The following CNTNAP2 variants were observed in gnomAD, a reference collection of about 807,000 sequenced individuals.
CNTNAP2 encodes the protein contactin-associated protein-like 2.
CNTNAP2 carries 98 observed loss-of-function variants against 155.2 expected under a neutral mutation model. The observed-to-expected ratio is 0.63, with a 90% CI of 0.54 to 0.75. The LOEUF is 0.75. CNTNAP2 is among the 30% of genes least tolerant of loss of function. CNTNAP2 has a pLI of 0.00. For missense variants in CNTNAP2, 1,727 were observed against 1,688.1 expected, an observed-to-expected ratio of 1.02 and a Z score of -0.40; for synonymous variants, 651 against 631.2, an observed-to-expected ratio of 1.03 and a Z score of -0.47.
chr7:146,878,550 C>G (rs532610944), intron 3 of CNTNAP2, among the ~76,000 whole-genome samples: 1 of 151,952 alleles, frequency 6.6e-6, no homozygotes, highest in African/African-American at 2.4e-5. Flanking sequence ...ATAAAGCAGA[C>G]GCTGTCATTC....
intron 3 of CNTNAP2, among the ~76,000 whole-genome samples, chr7:147,006,254 G>C (rs1373870641): frequency 1.3e-5 from 2 of 151,992 alleles, no homozygotes; most frequent in African/African-American, 4.8e-5. Flanking sequence ...GCTAGGAGAA[G>C]TATACTAAAC....
intron 13 of CNTNAP2, among the ~76,000 whole-genome samples, chr7:147,826,189 A>G (rs1798447439): frequency 6.6e-6 from 1 of 152,186 alleles, no homozygotes; most frequent in South Asian, 2.1e-4. Flanking sequence ...AGCTGAGAAC[A>G]CTAAGAAAAT....
chr7:146,802,224 G>A (rs1052991651), intron 2 of CNTNAP2, among the ~76,000 whole-genome samples: 1 of 152,130 alleles, frequency 6.6e-6, no homozygotes, highest in Admixed American at 6.5e-5. Context: ...GTACTTGGAA[G>A]CTCTGGAAAC....
At chr7:146,447,175 A>G (rs1796414144) in intron 1 of CNTNAP2, among the ~76,000 whole-genome samples, 1 of 152,058 alleles carries the variant, frequency 6.6e-6, no homozygotes, top group Non-Finnish European at 1.5e-5. Context: ...TGGGGGAACA[A>G]ATGGATGTAT....
chr7:146,556,960 G>A (rs1024623815), intron 1 of CNTNAP2, among the ~76,000 whole-genome samples: 1 of 152,024 alleles, frequency 6.6e-6, no homozygotes, highest in Non-Finnish European at 1.5e-5. Flanking sequence ...TATTCTGGTT[G>A]ATTAAACACA....
chr7:146,449,121 C>A (rs1796442848), intron 1 of CNTNAP2, among the ~76,000 whole-genome samples: 1 of 152,004 alleles, frequency 6.6e-6, no homozygotes, highest in Admixed American at 6.6e-5. Flanking sequence ...TGAGTAGATC[C>A]TATTGAGTTT....
intron 15 of CNTNAP2, among the ~76,000 whole-genome samples, chr7:148,106,712 C>A (rs554128847): frequency 4.8e-4 from 73 of 151,836 alleles, no homozygotes; most frequent in Middle Eastern, 3.4e-3. Context: ...TGTTTTACAA[C>A]CTCTACATGC....
At chr7:148,092,916 G>C (rs1006291885) in intron 15 of CNTNAP2, among the ~76,000 whole-genome samples, 6 of 149,418 alleles carry the variant, frequency 4.0e-5, no homozygotes, top group Non-Finnish European at 7.4e-5. Context: ...CAAAGCTTTG[G>C]TCCAGGTGCC....
intron 3 of CNTNAP2, among the ~76,000 whole-genome samples, chr7:146,980,871 CCTCA>C (rs146951289): frequency 0.012 from 1,809 of 152,252 alleles, 33 homozygotes; most frequent in African/African-American, 0.042. Flanking sequence ...CTTCTTTTGG[CCTCA>C]CTCTATTTTA....
chr7:146,461,322 G>T (rs1036567381), intron 1 of CNTNAP2, among the ~76,000 whole-genome samples: 7 of 151,470 alleles, frequency 4.6e-5, no homozygotes, highest in African/African-American at 9.7e-5. Flanking sequence ...GGACAATGGC[G>T]TGAACCCGGG....
chr7:147,487,462 A>G (rs1798529925), intron 11 of CNTNAP2, among the ~76,000 whole-genome samples: 1 of 152,202 alleles, frequency 6.6e-6, no homozygotes, highest in Non-Finnish European at 1.5e-5. Flanking sequence ...CTAGAATTAC[A>G]TTGATGAAAC....
At chr7:148,090,784 G>A (rs991987023) in intron 15 of CNTNAP2, among the ~76,000 whole-genome samples, 1 of 152,220 alleles carries the variant, frequency 6.6e-6, no homozygotes, top group Middle Eastern at 3.4e-3. Flanking sequence ...ATGTAGAAGA[G>A]ATAAGTGCAC....
At position 146,545,661 on chromosome 7, in the gene CNTNAP2, C is replaced by A. The variant is rs575938452; in HGVS notation, c.98-228610C>A. On this transcript the variant is annotated intron_variant, in intron 1 of 23. Transcript: ENST00000361727. Reference sequence around the variant, plus strand: ...CCAGCTTCATCCATGTCCCTGTGATCATTAAAAAGTCAGGAAACAACAGAT... The same window carrying A: ...CCAGCTTCATCCATGTCCCTGTGATAATTAAAAAGTCAGGAAACAACAGAT... Among the ~76,000 whole-genome samples the A allele has an allele frequency of 2.0e-3, 304 of 151,714 alleles. 2 individuals are homozygous for A. Among genetic ancestry groups the A allele is most frequent in the African/African-American group, 7.0e-3 (289 of 41,422 alleles).
At chr7:146,480,687 CTT>C (rs34440695) in intron 1 of CNTNAP2, among the ~76,000 whole-genome samples, 3 of 121,170 alleles carry the variant, frequency 2.5e-5, no homozygotes, top group Non-Finnish European at 3.5e-5. Flanking sequence ...TTTTTTTTTC[CTT>C]TTTTTTTTTT....
At chr7:148,223,469 A>G (rs1039840803) in intron 19 of CNTNAP2, among the ~76,000 whole-genome samples, 1 of 152,196 alleles carries the variant, frequency 6.6e-6, no homozygotes, top group Admixed American at 6.5e-5. Context: ...GCTGCATCCA[A>G]TAAAAGAGAA....
In CNTNAP2 at chr7:146,483,328, T is replaced by TATATAC. The variant is rs1459820598; in HGVS notation, c.98-290942_98-290941insTATACA. Among the ~76,000 whole-genome samples the TATATAC allele has an allele frequency of 9.4e-4, 77 of 81,530 alleles. 1 individual carries two copies. Among genetic ancestry groups the TATATAC allele is most frequent in the African/African-American group, 1.6e-3 (25 of 15,446 alleles). 53.5% of individuals were successfully genotyped at this position (81,530 alleles called of 152,430 possible). On this transcript the variant is annotated intron_variant, in intron 1 of 23. Coordinates refer to ENST00000361727, the MANE Select transcript of CNTNAP2 (RefSeq NM_014141.6). The stretch of plus-strand genomic sequence containing the variant: ...ATATATATATATATATATATATATA[T>TATATAC]ACATATATATATATTTAAGCACAGA...
intron 2 of CNTNAP2, among the ~76,000 whole-genome samples, chr7:146,783,276 C>G (rs527874634): frequency 6.6e-6 from 1 of 152,106 alleles, no homozygotes; most frequent in African/African-American, 2.4e-5. Context: ...AAAAGTATCA[C>G]CTTTGTTTTC....
At chr7:148,078,396 A>G (rs916056163) in intron 15 of CNTNAP2, among the ~76,000 whole-genome samples, 2 of 152,096 alleles carry the variant, frequency 1.3e-5, no homozygotes, top group Non-Finnish European at 2.9e-5. Context: ...AAATTGCATA[A>G]TTTTCCTGTT....
chr7:147,859,053 A>G (rs1799092981), intron 13 of CNTNAP2, among the ~76,000 whole-genome samples: 1 of 152,134 alleles, frequency 6.6e-6, no homozygotes. Context: ...TTCACAGATA[A>G]CTCAGAATGT....
Sources: allele counts gnomAD v4.1 joint callset (sites outside exome capture counted in the v4.1 genomes callset), GRCh38; gene constraint gnomAD v4.1.1; transcripts MANE v1.5; gene names NCBI Gene and HGNC (gene_info 2026-07-23, HGNC 2026-07-21).